TRAPPC8: variants seen among roughly 807,000 people sequenced by gnomAD.
The protein encoded by TRAPPC8 is trafficking protein particle complex subunit 8.
A neutral mutation model predicts 174.3 loss-of-function variants in TRAPPC8; 54 were observed. The observed-to-expected ratio is 0.31, with a 90% confidence interval of 0.25 to 0.39. The LOEUF is 0.39. TRAPPC8 is among the 10% of genes least tolerant of loss of function. TRAPPC8 has a pLI of 1.00. For synonymous variants in TRAPPC8, 630 were observed against 579.9 expected (o/e 1.09, Z -1.24); for missense variants, 1,531 against 1,699.1 (o/e 0.90, Z 1.74).
chr18:31,935,242 G>T lies in TRAPPC8; in HGVS notation c.158-3719C>A, dbSNP rs181792028. Among the ~76,000 whole-genome samples the T allele has an allele frequency of 5.7e-3, 864 of 151,360 alleles. 8 individuals carry two copies. Among genetic ancestry groups the T allele is most frequent in the African/African-American group, 0.02 (827 of 41,250 alleles). On this transcript the variant is annotated intron_variant, in intron 1 of 28. Transcript: ENST00000283351. ...GCCTGTAATCCCAGCTACCAGGGAG[G>T]CTGAGGCAGAATTGCTTGAACCTTG... is the stretch of plus-strand genomic sequence containing the variant.
intron 1 of TRAPPC8, among the ~76,000 whole-genome samples, chr18:31,935,356 A>C (rs553656629): frequency 0.15 from 2,686 of 18,422 alleles, 49 homozygotes; most frequent in Non-Finnish European, 0.18. Flanking sequence ...ACAAACAAAC[A>C]AACAAACCAA....
intron 17 of TRAPPC8, 28 bp downstream of exon 17, chr18:31,867,374 T>C: frequency 6.8e-7 from 1 of 1,480,398 alleles, no homozygotes; most frequent in Non-Finnish European, 9.4e-7. Flanking sequence ...CAGAAAGGCA[T>C]AAAGCAGAGA....
In TRAPPC8 at chr18:31,916,411, C is replaced by T; in HGVS notation, c.478G>A (p.Val160Met). ...TGTGACAACTTTGAAAACTGTTCCA[C>T]AGGTTCAGCTTCACTAGATGACGCT... The part of the protein sequence containing the change: ...LVASSSEAEP[V>M]EQFSKLSQEQ... Residue 160 changes from valine (V) to methionine (M), a missense_variant, in exon 4 of 29, where the codon GTG (valine) becomes ATG (methionine). Physicochemically the swap from Val to Met is conservative, Grantham distance 21. Transcript: ENST00000283351. 1 of 1,613,232 alleles carries T rather than the reference C, an allele frequency of 6.2e-7. No homozygotes were observed. Among genetic ancestry groups the T allele is most frequent in the South Asian group, 1.1e-5 (1 of 90,762 alleles).
chr18:31,903,627 C>T (rs1218487851), intron 9 of TRAPPC8, among the ~76,000 whole-genome samples: 1 of 152,178 alleles, frequency 6.6e-6, no homozygotes, highest in Non-Finnish European at 1.5e-5. Context: ...ATATATTCTG[C>T]CAATTACAAA....
intron 1 of TRAPPC8, among the ~76,000 whole-genome samples, chr18:31,942,100 G>A (rs866157655): frequency 7.9e-5 from 12 of 152,246 alleles, no homozygotes; most frequent in South Asian, 2.1e-4. Context: ...GAATATATTA[G>A]TAAAACAGCT....
chr18:31,852,336 C>T, intron 24 of TRAPPC8, 110 bp downstream of exon 24: 2 of 1,192,880 alleles, frequency 1.7e-6, no homozygotes, highest in Non-Finnish European at 2.4e-6. Flanking sequence ...GACCTTGTCT[C>T]CCCCCCAAAA....
At chr18:31,851,002 GA>G (rs1336792535) in intron 24 of TRAPPC8, among the ~76,000 whole-genome samples, 4 of 152,136 alleles carry the variant, frequency 2.6e-5, no homozygotes, top group Admixed American at 2.6e-4. Context: ...TGAAATTACT[GA>G]GCTTTTGAAA....
intron 1 of TRAPPC8, chr18:31,939,330 C>T (rs2038234585): frequency 6.6e-6 from 1 of 152,158 alleles, no homozygotes; most frequent in South Asian, 2.1e-4. Context: ...ATCTCCAAAA[C>T]TTTCAACTCA....
rs138253275 is a variant in TRAPPC8 at position 31,918,767 on chromosome 18, T to C, written c.353-1100A>G. On this transcript the variant is annotated intron_variant, in intron 2 of 28. Transcript: ENST00000283351. ...TTTGTATAAATGTATATAATGTGATTCTTAAAAAGTCAACTCTCTCTTGTT... is the reference window on the plus strand; with the variant it reads ...TTTGTATAAATGTATATAATGTGATCCTTAAAAAGTCAACTCTCTCTTGTT... Among the ~76,000 whole-genome samples, 12 of 152,348 alleles carry C rather than the reference T, an allele frequency of 7.9e-5. No homozygotes were observed. In the East Asian group the frequency reaches 2.3e-3, roughly 29 times the overall value.
At chr18:31,837,869 A>T (rs2032850134) in intron 27 of TRAPPC8, among the ~76,000 whole-genome samples, 1 of 152,084 alleles carries the variant, frequency 6.6e-6, no homozygotes. Context: ...GTATTAAATG[A>T]AAGAAGCTAG....
chr18:31,870,084 T>C (rs1246750988), intron 16 of TRAPPC8: 13 of 152,158 alleles, frequency 8.5e-5, no homozygotes, highest in Non-Finnish European at 1.7e-4. Flanking sequence ...AGCGTGAGAC[T>C]CTGTCTCAAA....
At chr18:31,886,659 T>A (rs1011976774) in intron 12 of TRAPPC8, among the ~76,000 whole-genome samples, 1 of 152,204 alleles carries the variant, frequency 6.6e-6, no homozygotes, top group Non-Finnish European at 1.5e-5. Flanking sequence ...CTTTCTGATA[T>A]TCTTAATGAA....
intron 2 of TRAPPC8, among the ~76,000 whole-genome samples, chr18:31,925,770 T>C (rs1284512312): frequency 6.6e-6 from 1 of 152,186 alleles, no homozygotes; most frequent in East Asian, 1.9e-4. Context: ...ATACATATAA[T>C]GGCTTCTAGC....
chr18:31,880,635 G>A (rs1040689716), intron 12 of TRAPPC8, among the ~76,000 whole-genome samples: 1 of 152,150 alleles, frequency 6.6e-6, no homozygotes, highest in South Asian at 2.1e-4. Context: ...ATTCAACATA[G>A]TACTAGAAGT....
chr18:31,880,090 A>AAATATATAT (rs1259899654), intron 12 of TRAPPC8, among the ~76,000 whole-genome samples: 13 of 85,342 alleles, frequency 1.5e-4, no homozygotes, highest in Middle Eastern at 7.1e-3. Flanking sequence ...TGAAAAAAAA[A>AAATATATAT]ATATATATAT....
chr18:31,903,248 G>C (rs142913370), intron 9 of TRAPPC8, among the ~76,000 whole-genome samples: 154 of 152,216 alleles, frequency 1.0e-3, no homozygotes, highest in African/African-American at 3.6e-3. Context: ...TGGAAAAAGA[G>C]CAGAGGCTAC....
intron 18 of TRAPPC8, among the ~76,000 whole-genome samples, chr18:31,865,232 G>T (rs897798883): frequency 3.9e-5 from 6 of 152,054 alleles, no homozygotes; most frequent in African/African-American, 1.4e-4. Flanking sequence ...ATTATTTCTG[G>T]AATATAAATA....
At position 31,875,816 on chromosome 18, in the gene TRAPPC8, G is replaced by A. The variant is rs185598981; in HGVS notation, c.1729-1112C>T. Among the ~76,000 whole-genome samples, 96 of 152,212 alleles carry A rather than the reference G, an allele frequency of 6.3e-4. 1 individual carries two copies. The highest frequency in any genetic ancestry group is 2.2e-3 in the African/African-American group (92 of 41,570). ...TGTAAAAAATCAAAAGAGGTACACA[G>A]AAAGACAGATCCTGCATGTTCTCAC... is the stretch of plus-strand genomic sequence containing the variant. On this transcript the variant is annotated intron_variant, in intron 12 of 28. Transcript: ENST00000283351.
At chr18:31,849,855 T>C in intron 24 of TRAPPC8, 116 bp from the exon 25 acceptor site, 1 of 949,502 alleles carries the variant, frequency 1.1e-6, no homozygotes, top group Non-Finnish European at 1.5e-6. Context: ...TTTCTATAGC[T>C]TATACATACC....
Sources: gnomAD v4.1 joint callset for allele counts (sites outside exome capture counted in the v4.1 genomes callset) on GRCh38, gnomAD v4.1.1 for gene constraint, MANE v1.5 for transcripts, NCBI Gene and HGNC (gene_info 2026-07-23, HGNC 2026-07-21) for gene names.